The following GABRB3 variants were observed in gnomAD, a reference collection of about 807,000 sequenced individuals.
GABRB3 encodes gamma-aminobutyric acid type A receptor subunit beta3.
Under a neutral mutation model 52.1 loss-of-function variants are expected in GABRB3, and 14 were observed. That is an observed-to-expected ratio of 0.27 (90% CI 0.18 to 0.42). The LOEUF is 0.42. Ranked by LOEUF, GABRB3 falls within the 10% of genes least tolerant of loss-of-function variation. GABRB3 has a pLI of 1.00. For synonymous variants in GABRB3, 260 were observed against 232.3 expected, an observed-to-expected ratio of 1.12 and a Z score of -1.08; for missense variants, 307 against 609.1, an observed-to-expected ratio of 0.50 and a Z score of 5.22.
At chr15:26,609,752 T>A (rs913448153) in intron 4 of GABRB3, among the ~76,000 whole-genome samples, 1 of 152,160 alleles carries the variant, frequency 6.6e-6, no homozygotes, top group African/African-American at 2.4e-5. Context: ...TTTTATACAT[T>A]TCAAAGTTGC....
chr15:26,589,441 TC>T (rs1358261168), intron 4 of GABRB3, among the ~76,000 whole-genome samples: 4 of 152,100 alleles, frequency 2.6e-5, no homozygotes, highest in African/African-American at 9.7e-5. Flanking sequence ...CACAATCTCT[TC>T]CCCCATTTGT....
At chr15:26,588,474 C>T (rs1182102971) in intron 4 of GABRB3, among the ~76,000 whole-genome samples, 7 of 152,160 alleles carry the variant, frequency 4.6e-5, no homozygotes, top group East Asian at 1.9e-4. Context: ...AGCTTGACCA[C>T]GTTCCCAATG....
chr15:26,731,443 T>C (rs1363041692), intron 3 of GABRB3, among the ~76,000 whole-genome samples: 2 of 152,234 alleles, frequency 1.3e-5, no homozygotes, highest in Non-Finnish European at 2.9e-5. Flanking sequence ...GGACCTCACT[T>C]TGGAGTCCAT....
intron 4 of GABRB3, chr15:26,615,901 G>A: frequency 7.8e-7 from 1 of 1,274,836 alleles, no homozygotes; most frequent in Non-Finnish European, 1.0e-6. Context: ...CACATAATCA[G>A]TAGGAAAGCA....
At position 26,547,131 on chromosome 15, in the gene GABRB3, T is replaced by G. The variant is rs1284225698; in HGVS notation, c.*662A>C. ...GTCGTTCAGACATCAACGTGGGATC[T>G]ATCTATGTTTCAGACAACAGGTAAG... is the stretch of plus-strand genomic sequence containing the variant. On this transcript the variant is annotated 3_prime_UTR_variant, in exon 9 of 9. Transcript: ENST00000311550. 1.2e-5 allele frequency: 2 copies of G among 169,732 alleles called. No individual in the cohort carries two copies. Among genetic ancestry groups the G allele is most frequent in the African/African-American group, 4.7e-5 (2 of 42,222 alleles). 10.5% of individuals were successfully genotyped at this position (169,732 alleles called of 1,614,324 possible).
chr15:26,660,518 C>T (rs1887509411), intron 3 of GABRB3, among the ~76,000 whole-genome samples: 1 of 152,114 alleles, frequency 6.6e-6, no homozygotes, highest in African/African-American at 2.4e-5. Context: ...TGGCAACTGC[C>T]CAAAATGCTT....
chr15:26,725,172 TA>T (rs1240475096), intron 3 of GABRB3, among the ~76,000 whole-genome samples: 1 of 152,216 alleles, frequency 6.6e-6, no homozygotes, highest in Non-Finnish European at 1.5e-5. Flanking sequence ...AAAGGTGCCT[TA>T]TTCCCTCAAA....
intron 7 of GABRB3, among the ~76,000 whole-genome samples, chr15:26,564,723 C>G (rs73366477): frequency 0.024 from 3,704 of 152,274 alleles, 185 homozygotes; most frequent in African/African-American, 0.084. Flanking sequence ...GAAAGCCCTC[C>G]AAACTATAGC....
At chr15:26,727,856 T>C (rs1889813605) in intron 3 of GABRB3, among the ~76,000 whole-genome samples, 1 of 152,222 alleles carries the variant, frequency 6.6e-6, no homozygotes, top group African/African-American at 2.4e-5. Flanking sequence ...CACTCTTTTC[T>C]TAGACAATGA....
intron 3 of GABRB3, among the ~76,000 whole-genome samples, chr15:26,641,387 T>C (rs945531908): frequency 1.2e-4 from 19 of 152,256 alleles, no homozygotes; most frequent in African/African-American, 4.6e-4. Context: ...CTGGGATGCC[T>C]TCCCTCTGGC....
intron 3 of GABRB3, among the ~76,000 whole-genome samples, chr15:26,652,804 G>A (rs1054741675): frequency 6.6e-5 from 10 of 152,108 alleles, no homozygotes; most frequent in South Asian, 2.1e-4. Context: ...GTTTATTCAC[G>A]CTGATTTATT....
intron 4 of GABRB3, among the ~76,000 whole-genome samples, chr15:26,611,156 T>C (rs958061004): frequency 2.6e-5 from 4 of 152,264 alleles, no homozygotes; most frequent in African/African-American, 9.6e-5. Flanking sequence ...TAGTTTTGTA[T>C]AATATCTCAG....
intron 3 of GABRB3, among the ~76,000 whole-genome samples, chr15:26,726,687 T>C (rs11637930): frequency 0.43 from 64,720 of 151,996 alleles, 16,213 homozygotes; most frequent in Admixed American, 0.59. Flanking sequence ...TTGGTGATCA[T>C]ACAAGGAGGG....
intron 3 of GABRB3, among the ~76,000 whole-genome samples, chr15:26,674,724 T>G (rs1417541576): frequency 6.6e-6 from 1 of 152,168 alleles, no homozygotes; most frequent in African/African-American, 2.4e-5. Context: ...CCTGAGGGCA[T>G]GTGCCCAAAC....
At chr15:26,605,077 G>A (rs1296000148) in intron 4 of GABRB3, among the ~76,000 whole-genome samples, 1 of 151,884 alleles carries the variant, frequency 6.6e-6, no homozygotes, top group East Asian at 1.9e-4. Flanking sequence ...ATAGAACAAA[G>A]TGTCATTAAT....
Position 26,689,115 on chromosome 15 carries a change from G to C in GABRB3, c.241-67581C>G, listed in dbSNP as rs1317124497. Among the ~76,000 whole-genome samples the C allele has an allele frequency of 5.3e-5, 8 of 152,274 alleles. 1 individual carries two copies. The East Asian group carries it at 1.5e-3, about 29-fold the overall frequency. ...TTCAGTGGTTTGTAATTTCAGGACT[G>C]ACCCAGGATGGCCGGGGTTAGTCCC... On this transcript the variant is annotated intron_variant, in intron 3 of 8. Transcript: ENST00000311550.
intron 4 of GABRB3, among the ~76,000 whole-genome samples, chr15:26,590,752 A>C: frequency 6.6e-6 from 1 of 152,190 alleles, no homozygotes; most frequent in East Asian, 1.9e-4. Context: ...GATTGTGGTA[A>C]GTTGACTATG....
rs193026074 is a variant in GABRB3 at position 26,586,437 on chromosome 15, C to T, written c.462-3023G>A. ...ACACACACACACACGCATACATACA[C>T]ATAAACATGCCCAAATTGTTCGGGG... On this transcript the variant is annotated intron_variant, in intron 4 of 8. Transcript: ENST00000311550. Among the ~76,000 whole-genome samples, 338 of 149,784 alleles carry T rather than the reference C, an allele frequency of 2.3e-3. 2 individuals carry two copies. Among genetic ancestry groups the T allele is most frequent in the African/African-American group, 7.9e-3 (327 of 41,142 alleles).
chr15:26,556,779 T>C (rs1235298123), intron 8 of GABRB3, among the ~76,000 whole-genome samples: 3 of 152,182 alleles, frequency 2.0e-5, no homozygotes, highest in Non-Finnish European at 2.9e-5. Flanking sequence ...ACTAAAACCA[T>C]AGTACCAAGA....
Sources: allele counts gnomAD v4.1 joint callset (sites outside exome capture counted in the v4.1 genomes callset), GRCh38; gene constraint gnomAD v4.1.1; transcripts MANE v1.5; gene names NCBI Gene and HGNC (gene_info 2026-07-23, HGNC 2026-07-21).